The following RSU1 variants were observed in gnomAD, a reference collection of about 807,000 sequenced individuals.
The protein encoded by RSU1 is rsu-1.
A neutral mutation model predicts 31.1 loss-of-function variants in RSU1; 26 were observed. The ratio of observed to expected loss-of-function variants is 0.84; its 90% CI spans 0.61 to 1.16. RSU1 has a LOEUF of 1.16. Ranked by LOEUF, RSU1 falls within the 50% of genes most tolerant of loss-of-function variation. The pLI, the probability that RSU1 is intolerant of heterozygous loss-of-function variation, is 0.00. For synonymous variants in RSU1, 164 were observed against 136.3 expected, an observed-to-expected ratio of 1.20 and a Z score of -1.41; for missense variants, 320 against 339.1, an observed-to-expected ratio of 0.94 and a Z score of 0.44.
intron 8 of RSU1, among the ~76,000 whole-genome samples, chr10:16,674,771 G>A (rs1012852595): frequency 6.6e-6 from 1 of 152,036 alleles, no homozygotes; most frequent in Non-Finnish European, 1.5e-5. Context: ...CCGGCCAGAA[G>A]CTGTAATCCC....
intron 8 of RSU1, among the ~76,000 whole-genome samples, chr10:16,687,627 T>C (rs1835463180): frequency 6.6e-6 from 1 of 152,280 alleles, no homozygotes; most frequent in Admixed American, 6.5e-5. Flanking sequence ...CCTCCTGTCA[T>C]ATTAAAGAGG....
intron 2 of RSU1, among the ~76,000 whole-genome samples, chr10:16,793,743 G>C (rs566836214): frequency 9.2e-5 from 14 of 152,094 alleles, no homozygotes; most frequent in African/African-American, 3.4e-4. Context: ...TGAGTGAGAT[G>C]CAGCTGCTGC....
chr10:16,788,010 C>T (rs367740890), intron 2 of RSU1, among the ~76,000 whole-genome samples: 10 of 152,006 alleles, frequency 6.6e-5, no homozygotes, highest in Admixed American at 3.9e-4. Context: ...AAATCTCACA[C>T]ATTTTTATTT....
At chr10:16,644,462 T>G (rs1368341307) in intron 8 of RSU1, among the ~76,000 whole-genome samples, 1 of 152,226 alleles carries the variant, frequency 6.6e-6, no homozygotes, top group Non-Finnish European at 1.5e-5. Flanking sequence ...CTGCACTATC[T>G]TATTATTCTT....
At chr10:16,675,646 C>T (rs551527695) in intron 8 of RSU1, among the ~76,000 whole-genome samples, 1 of 152,156 alleles carries the variant, frequency 6.6e-6, no homozygotes, top group South Asian at 2.1e-4. Context: ...TATGGCTTGG[C>T]AAAGGGGGAC....
chr10:16,775,360 C>T (rs529518605), intron 3 of RSU1, among the ~76,000 whole-genome samples: 11 of 152,234 alleles, frequency 7.2e-5, no homozygotes, highest in Admixed American at 2.0e-4. Context: ...AGCCTGCCAC[C>T]GTTCTGAAGT....
chr10:16,642,608 T>A (rs1191254956), intron 8 of RSU1, among the ~76,000 whole-genome samples: 1 of 152,220 alleles, frequency 6.6e-6, no homozygotes. Context: ...TATGTAAAAT[T>A]AGAGCATTAT....
intron 7 of RSU1, among the ~76,000 whole-genome samples, chr10:16,720,022 A>G (rs1836222548): frequency 2.0e-5 from 3 of 152,246 alleles, no homozygotes; most frequent in Admixed American, 2.0e-4. Flanking sequence ...CATCTCCCAA[A>G]GGTCACAGGG....
chr10:16,706,735 T>G (rs541795593), intron 7 of RSU1, among the ~76,000 whole-genome samples: 8 of 152,322 alleles, frequency 5.3e-5, no homozygotes, highest in African/African-American at 1.9e-4. Flanking sequence ...TGGGAACATT[T>G]GAAAGCCTCT....
At chr10:16,605,938 A>G (rs555625570) in intron 8 of RSU1, among the ~76,000 whole-genome samples, 24 of 152,268 alleles carry the variant, frequency 1.6e-4, no homozygotes, top group African/African-American at 4.8e-4. Context: ...AGTAGCTGGC[A>G]CAAGCACATG....
intron 4 of RSU1, among the ~76,000 whole-genome samples, chr10:16,758,487 G>C (rs953802620): frequency 3.3e-5 from 5 of 152,180 alleles, no homozygotes; most frequent in Non-Finnish European, 7.3e-5. Context: ...GAAAAGTATG[G>C]AGCTTTAAGG....
chr10:16,773,346 G>C lies in RSU1; in HGVS notation c.160+8688C>G, dbSNP rs558800720. ...AGGGGAGGAAAAGGAAGAGGCCCAG[G>C]GCTAGGAAAATCCACCAAATCCACA... On this transcript the variant is annotated intron_variant, in intron 3 of 8. Transcript: ENST00000345264. Among the ~76,000 whole-genome samples the C allele has an allele frequency of 7.2e-5, 11 of 152,244 alleles. No individual in the cohort carries two copies. The South Asian group carries it at 2.3e-3, about 32-fold the overall frequency.
At chr10:16,715,333 T>C (rs1336206885) in intron 7 of RSU1, among the ~76,000 whole-genome samples, 2 of 152,240 alleles carry the variant, frequency 1.3e-5, no homozygotes, top group Non-Finnish European at 2.9e-5. Context: ...CTATTTTTTC[T>C]TTTGTTGTCT....
chr10:16,765,015 A>G (rs1429625690), intron 3 of RSU1, among the ~76,000 whole-genome samples: 1 of 152,176 alleles, frequency 6.6e-6, no homozygotes, highest in Non-Finnish European at 1.5e-5. Context: ...AAAAATGCAC[A>G]AAAGAGAATT....
chr10:16,677,420 A>C (rs1835254035), intron 8 of RSU1, among the ~76,000 whole-genome samples: 1 of 152,174 alleles, frequency 6.6e-6, no homozygotes, highest in Non-Finnish European at 1.5e-5. Context: ...ATCACACACT[A>C]ATCTACATGA....
At chr10:16,752,436 A>G in intron 7 of RSU1, 103 bp downstream of exon 7, 1 of 796,272 alleles carries the variant, frequency 1.3e-6, no homozygotes, top group African/African-American at 1.7e-5. Context: ...GCCTAGGTGG[A>G]GAGTAGTTGC....
chr10:16,611,615 G>C (rs1833892459), intron 8 of RSU1, among the ~76,000 whole-genome samples: 1 of 152,136 alleles, frequency 6.6e-6, no homozygotes, highest in Non-Finnish European at 1.5e-5. Flanking sequence ...GTGTTCTCTT[G>C]CTCTGCTTCT....
chr10:16,737,171 TA>T (rs758007026), intron 7 of RSU1, among the ~76,000 whole-genome samples: 1,564 of 149,194 alleles, frequency 0.01, 31 homozygotes, highest in African/African-American at 0.034. Context: ...AATCAATCAA[TA>T]AAAAAAAAGG....
intron 8 of RSU1, among the ~76,000 whole-genome samples, chr10:16,623,180 C>T (rs1373901386): frequency 6.6e-6 from 1 of 152,128 alleles, no homozygotes; most frequent in Non-Finnish European, 1.5e-5. Context: ...AAACCTTGCT[C>T]CCTCTCTCCC....
Sources: allele counts gnomAD v4.1 joint callset (sites outside exome capture counted in the v4.1 genomes callset), GRCh38; gene constraint gnomAD v4.1.1; transcripts MANE v1.5; gene names NCBI Gene and HGNC (gene_info 2026-07-23, HGNC 2026-07-21).